Variants in LMBR1 observed in about 807,000 individuals in gnomAD.
The protein encoded by LMBR1 is limb development membrane protein 1, also known as limb region 1 protein homolog.
In LMBR1, 52 loss-of-function variants were observed where a neutral mutation model predicts 73.9. That is an observed-to-expected ratio of 0.70 (90% CI 0.56 to 0.89). The LOEUF (loss-of-function observed/expected upper bound fraction) is 0.89, where lower values mean the gene tolerates loss of function less well. Among genes scored for constraint, LMBR1 ranks in the 40% least tolerant of loss-of-function variants. LMBR1 has a pLI of 0.00. For missense variants in LMBR1, 539 were observed against 579.8 expected (o/e 0.93, Z 0.72); for synonymous variants, 215 against 209.4 (o/e 1.03, Z -0.23).
chr7:156,764,518 C>T (rs1469133563), intron 5 of LMBR1, among the ~76,000 whole-genome samples: 3 of 152,142 alleles, frequency 2.0e-5, no homozygotes, highest in Non-Finnish European at 4.4e-5. Context: ...ACCGCTTTTA[C>T]TCCCCAAAAA....
chr7:156,671,814 C>T (rs1031243086), intron 4 of LMBR1, among the ~76,000 whole-genome samples: 1 of 151,314 alleles, frequency 6.6e-6, no homozygotes. Context: ...GTTCCCTGAC[C>T]ACGGTGCAGC....
chr7:156,784,213 C>A (rs1183210202), intron 5 of LMBR1, among the ~76,000 whole-genome samples: 1 of 152,110 alleles, frequency 6.6e-6, no homozygotes, highest in African/African-American at 2.4e-5. Context: ...GAGTAATACA[C>A]CGAGTTTGGG....
intron 1 of LMBR1, among the ~76,000 whole-genome samples, chr7:156,859,484 A>G (rs1242164856): frequency 6.6e-6 from 1 of 152,202 alleles, no homozygotes; most frequent in Non-Finnish European, 1.5e-5. Flanking sequence ...TCCTGGCACT[A>G]ATAAGCAAGG....
At chr7:156,817,174 T>A (rs1192188520) in intron 4 of LMBR1, among the ~76,000 whole-genome samples, 1 of 152,148 alleles carries the variant, frequency 6.6e-6, no homozygotes, top group Non-Finnish European at 1.5e-5. Context: ...CTGCTGGAGT[T>A]ACAAAATATT....
At chr7:156,814,154 C>T (rs1224536447) in intron 4 of LMBR1, among the ~76,000 whole-genome samples, 1 of 152,154 alleles carries the variant, frequency 6.6e-6, no homozygotes, top group African/African-American at 2.4e-5. Context: ...TCACAAATTC[C>T]ACAACTTACA....
intron 5 of LMBR1, among the ~76,000 whole-genome samples, chr7:156,774,260 C>T (rs1272743492): frequency 6.6e-6 from 1 of 152,170 alleles, no homozygotes; most frequent in African/African-American, 2.4e-5. Flanking sequence ...TCATGTACTG[C>T]TGGTGGGAAT....
At chr7:156,732,363 C>T (rs1171991140) in intron 10 of LMBR1, among the ~76,000 whole-genome samples, 2 of 152,146 alleles carry the variant, frequency 1.3e-5, no homozygotes, top group African/African-American at 4.8e-5. Flanking sequence ...CTGAGCCCAG[C>T]TCATCCCTTG....
At chr7:156,840,731 G>A (rs1326728493) in intron 1 of LMBR1, among the ~76,000 whole-genome samples, 3 of 151,494 alleles carry the variant, frequency 2.0e-5, no homozygotes, top group Admixed American at 6.6e-5. Context: ...AGGCCGAGGC[G>A]GGTGGATCAC....
At position 156,680,403 on chromosome 7, in the gene LMBR1, A is replaced by AGAGAGAGAGAGAGTGTGTGTGTGTGT. The variant is rs1343950098; in HGVS notation, c.*3674_*3675insACACACACACACACTCTCTCTCTCTC. On this transcript the variant is annotated 3_prime_UTR_variant, in exon 17 of 17. Coordinates refer to ENST00000353442, the MANE Select transcript of LMBR1 (RefSeq NM_022458.4). ...GAGAGAGAGAGAGAGAGAGAGAGAG[A>AGAGAGAGAGAGAGTGTGTGTGTGTGT]GTGTGTGTGTGTGTGTGTGTGTAAT... is the stretch of plus-strand genomic sequence containing the variant. 1.3e-4 allele frequency: 16 copies of AGAGAGAGAGAGAGTGTGTGTGTGTGT among 125,160 alleles called. No homozygotes were observed. The highest frequency in any genetic ancestry group is 4.1e-4 in the Admixed American group (5 of 12,126). 7.8% of individuals were successfully genotyped at this position (125,160 alleles called of 1,614,324 possible). A position where few individuals can be genotyped will look rare whatever the true frequency, so the allele number is the denominator to read the frequency against.
downstream of LMBR1, chr7:156,677,147 CTT>C (rs1219260346): frequency 1.9e-5 from 3 of 154,004 alleles, no homozygotes; most frequent in Middle Eastern, 6.8e-3. Context: ...ATTTTAATGT[CTT>C]AGAGCAATAA....
At chr7:156,877,048 G>A (rs540003606) in intron 1 of LMBR1, among the ~76,000 whole-genome samples, 30 of 152,008 alleles carry the variant, frequency 2.0e-4, no homozygotes, top group South Asian at 8.3e-4. Context: ...CTAGTTCTTC[G>A]AAAAGATAAA....
intron 4 of LMBR1, among the ~76,000 whole-genome samples, chr7:156,798,997 G>A (rs1184770807): frequency 4.0e-5 from 6 of 151,006 alleles, no homozygotes; most frequent in African/African-American, 1.5e-4. Context: ...TTCGAGACCA[G>A]CCTGGCCAGC....
chr7:156,832,421 T>C (rs1836849755), intron 3 of LMBR1, among the ~76,000 whole-genome samples: 1 of 152,202 alleles, frequency 6.6e-6, no homozygotes, highest in Non-Finnish European at 1.5e-5. Context: ...TCATGTTCAT[T>C]GCCCCAAAAT....
chr7:156,816,002 C>T (rs939243737), intron 4 of LMBR1, among the ~76,000 whole-genome samples: 1 of 150,628 alleles, frequency 6.6e-6, no homozygotes, highest in African/African-American at 2.4e-5. Context: ...ATTTATCTTT[C>T]TAATCATACA....
At chr7:156,892,713 A>C in intron 1 of LMBR1, 2 of 321,170 alleles carry the variant, frequency 6.2e-6, no homozygotes, top group Non-Finnish European at 5.5e-6. Flanking sequence ...GGGCAGGCAG[A>C]GGAAGCGAAG....
At chr7:156,866,507 A>C (rs745381012) in intron 1 of LMBR1, among the ~76,000 whole-genome samples, 38 of 151,396 alleles carry the variant, frequency 2.5e-4, no homozygotes, top group Non-Finnish European at 4.4e-4. Flanking sequence ...TCCATGAGGA[A>C]TTTCTTGCAA....
chr7:156,855,012 T>C (rs1796744071), intron 1 of LMBR1, among the ~76,000 whole-genome samples: 1 of 152,178 alleles, frequency 6.6e-6, no homozygotes, highest in Non-Finnish European at 1.5e-5. Flanking sequence ...TTTATCTACA[T>C]CGTATCCGGC....
At chr7:156,672,713 A>C (rs2131683544) in intron 4 of LMBR1, among the ~76,000 whole-genome samples, 1 of 152,364 alleles carries the variant, frequency 6.6e-6, no homozygotes, top group East Asian at 1.9e-4. Context: ...ACATAAATGC[A>C]TATAGATGTA....
At position 156,768,650 on chromosome 7, in the gene LMBR1, G is replaced by C. The variant is rs80043290; in HGVS notation, c.424-4855C>G. Among the ~76,000 whole-genome samples the C allele has an allele frequency of 5.7e-3, 866 of 152,226 alleles. 7 individuals are homozygous for C. Among genetic ancestry groups the C allele is most frequent in the South Asian group, 0.02 (94 of 4,814 alleles). On this transcript the variant is annotated intron_variant, in intron 5 of 16. Transcript: ENST00000353442. Reference sequence around the variant, plus strand: ...TTAGGAAATAGGGTTTCCCCCAGGAGGTATCTGCCACTTTTTCACATGAAA... The same window carrying C: ...TTAGGAAATAGGGTTTCCCCCAGGACGTATCTGCCACTTTTTCACATGAAA...
Sources: allele counts gnomAD v4.1 joint callset (sites outside exome capture counted in the v4.1 genomes callset), GRCh38; gene constraint gnomAD v4.1.1; transcripts MANE v1.5; gene names NCBI Gene and HGNC (gene_info 2026-07-23, HGNC 2026-07-21).